Variants in ADAMTS3 observed in about 807,000 individuals in gnomAD.
ADAMTS3 encodes the protein ADAM metallopeptidase with thrombospondin type 1 motif 3.
A neutral mutation model predicts 129.0 loss-of-function variants in ADAMTS3; 73 were observed. The observed-to-expected ratio is 0.57, with a 90% confidence interval of 0.47 to 0.69. The LOEUF (loss-of-function observed/expected upper bound fraction) is 0.69, where lower values mean the gene tolerates loss of function less well. ADAMTS3 is among the 30% of genes least tolerant of loss of function. The pLI is 0.00. For synonymous variants in ADAMTS3, 477 were observed against 510.8 expected (o/e 0.93, Z 0.89); for missense variants, 1,457 against 1,514.5 (o/e 0.96, Z 0.63).
chr4:72,311,234 A>G, intron 13 of ADAMTS3, 53 bp from the exon 14 acceptor site: 1 of 1,495,996 alleles, frequency 6.7e-7, no homozygotes, highest in South Asian at 1.3e-5. Flanking sequence ...GAATGTTTGA[A>G]CAGCATAGTT....
At chr4:72,549,972 AAG>A (rs1491276078) in intron 2 of ADAMTS3, among the ~76,000 whole-genome samples, 1 of 28,430 alleles carries the variant, frequency 3.5e-5, no homozygotes, top group African/African-American at 2.4e-4. Context: ...AAAGAAGAAG[AAG>A]AAGAAGAAGA....
intron 3 of ADAMTS3, among the ~76,000 whole-genome samples, chr4:72,425,938 A>G (rs1722562415): frequency 6.6e-6 from 1 of 151,978 alleles, no homozygotes; most frequent in Non-Finnish European, 1.5e-5. Flanking sequence ...GAACTAGTTT[A>G]CAGTCCCATC....
intron 3 of ADAMTS3, among the ~76,000 whole-genome samples, chr4:72,432,498 C>T (rs1001060901): frequency 2.6e-5 from 4 of 151,880 alleles, no homozygotes; most frequent in South Asian, 2.1e-4. Flanking sequence ...TCCTTATCAC[C>T]GCCCACACTT....
chr4:72,518,703 T>C (rs1085962), intron 3 of ADAMTS3, among the ~76,000 whole-genome samples: 98,548 of 151,240 alleles, frequency 0.65, 32,764 homozygotes, highest in African/African-American at 0.79. Context: ...GATCTTCCTC[T>C]ATCCTTTTAT....
chr4:72,485,020 T>G (rs1719542163), intron 3 of ADAMTS3, among the ~76,000 whole-genome samples: 1 of 151,946 alleles, frequency 6.6e-6, no homozygotes, highest in African/African-American at 2.4e-5. Context: ...TAAGATGAAA[T>G]GGGTTGTAAA....
chr4:72,360,340 G>C (rs1720688598), intron 4 of ADAMTS3, among the ~76,000 whole-genome samples: 1 of 151,958 alleles, frequency 6.6e-6, no homozygotes. Flanking sequence ...TTCTCGACCT[G>C]AATGCCTACG....
intron 4 of ADAMTS3, among the ~76,000 whole-genome samples, chr4:72,362,474 G>A (rs984845521): frequency 5.3e-5 from 8 of 152,172 alleles, no homozygotes; most frequent in African/African-American, 7.2e-5. Flanking sequence ...TAGATATTAC[G>A]AAAGAATACA....
chr4:72,547,381 T>C (rs1485858573), intron 3 of ADAMTS3, among the ~76,000 whole-genome samples: 2 of 152,340 alleles, frequency 1.3e-5, no homozygotes, highest in South Asian at 4.1e-4. Flanking sequence ...GGAAACCCTG[T>C]TGATTTCAGA....
intron 3 of ADAMTS3, among the ~76,000 whole-genome samples, chr4:72,476,787 T>C (rs1719246316): frequency 6.6e-6 from 1 of 152,108 alleles, no homozygotes; most frequent in Non-Finnish European, 1.5e-5. Context: ...ATAGCAATAA[T>C]ATAATGATAT....
chr4:72,417,882 G>A (rs1184551496), intron 3 of ADAMTS3, among the ~76,000 whole-genome samples: 1 of 128,146 alleles, frequency 7.8e-6, no homozygotes, highest in East Asian at 2.4e-4. Context: ...GCAGTGAGCC[G>A]AGATCGCACC....
At chr4:72,521,534 A>G (rs1384528253) in intron 3 of ADAMTS3, among the ~76,000 whole-genome samples, 1 of 152,250 alleles carries the variant, frequency 6.6e-6, no homozygotes, top group African/African-American at 2.4e-5. Context: ...CATATTGTGT[A>G]GAATGTAATC....
chr4:72,309,604 C>T, intron 14 of ADAMTS3, 84 bp from the exon 15 acceptor site: 1 of 1,479,416 alleles, frequency 6.8e-7, no homozygotes. Flanking sequence ...ACCCTTTGTT[C>T]AGTCATGGCC....
chr4:72,501,838 A>G (rs536287403), intron 3 of ADAMTS3, among the ~76,000 whole-genome samples: 184 of 152,170 alleles, frequency 1.2e-3, no homozygotes, highest in Non-Finnish European at 2.2e-3. Context: ...TATCAATTTT[A>G]TCAACAGCTC....
chr4:72,392,935 T>C (rs1721637013), intron 4 of ADAMTS3, among the ~76,000 whole-genome samples: 1 of 151,464 alleles, frequency 6.6e-6, no homozygotes, highest in Admixed American at 6.6e-5. Context: ...TTTTTCTTTT[T>C]TTTTTTCTGA....
intron 3 of ADAMTS3, among the ~76,000 whole-genome samples, chr4:72,417,427 G>A (rs776735698): frequency 1.2e-4 from 18 of 152,154 alleles, no homozygotes; most frequent in Non-Finnish European, 2.2e-4. Flanking sequence ...CAGGCCACAT[G>A]ATGTTATTTT....
At chr4:72,431,529 A>G (rs944750880) in intron 3 of ADAMTS3, among the ~76,000 whole-genome samples, 7 of 152,022 alleles carry the variant, frequency 4.6e-5, no homozygotes, top group Non-Finnish European at 8.8e-5. Context: ...ACTTTGTTTC[A>G]TGCACAAAAT....
chr4:72,567,410 G>C lies in ADAMTS3; in HGVS notation c.70-9C>G. 1 of 1,612,930 alleles carries C rather than the reference G, an allele frequency of 6.2e-7. No homozygotes were observed. The highest frequency in any genetic ancestry group is 2.2e-5 in the East Asian group (1 of 44,834). Reference sequence around the variant, plus strand: ...ATTTCTTCATTACCAGCCTGGAAAGGAGGGGGAAAGCAAGAAAAAGAAAGT... The same window carrying C: ...ATTTCTTCATTACCAGCCTGGAAAGCAGGGGGAAAGCAAGAAAAAGAAAGT... On this transcript the variant is annotated splice_polypyrimidine_tract_variant and intron_variant, in intron 1 of 21. Transcript: ENST00000286657.
At chr4:72,351,665 T>A (rs1325097793) in intron 4 of ADAMTS3, among the ~76,000 whole-genome samples, 1 of 151,650 alleles carries the variant, frequency 6.6e-6, no homozygotes, top group African/African-American at 2.4e-5. Flanking sequence ...AGAAACTGTC[T>A]TCCAAGAGTA....
At position 72,296,843 on chromosome 4, in the gene ADAMTS3, G is replaced by A. The variant is rs570548423; in HGVS notation, c.2591-1057C>T. Among the ~76,000 whole-genome samples the A allele has an allele frequency of 1.1e-3, 170 of 152,116 alleles. 1 individual carries two copies. Among genetic ancestry groups the A allele is most frequent in the African/African-American group, 3.9e-3 (163 of 41,506 alleles). On this transcript the variant is annotated intron_variant, in intron 18 of 21. Coordinates refer to ENST00000286657, the MANE Select transcript of ADAMTS3 (RefSeq NM_014243.3). ...TTTCCAGTCAAGGATCATATGTTGC[G>A]TTTAACTGTTATGTCTCCAGCCTCC...
Sources: gnomAD v4.1 joint callset for allele counts (sites outside exome capture counted in the v4.1 genomes callset) on GRCh38, gnomAD v4.1.1 for gene constraint, MANE v1.5 for transcripts, NCBI Gene and HGNC (gene_info 2026-07-23, HGNC 2026-07-21) for gene names.